The following DOCK5 variants were observed in gnomAD, a reference collection of about 807,000 sequenced individuals.
DOCK5 encodes dedicator of cytokinesis protein 5.
In DOCK5, 142 loss-of-function variants were observed where a neutral mutation model predicts 251.8. That is an observed-to-expected ratio of 0.56 (90% CI 0.49 to 0.65). DOCK5 has a LOEUF of 0.65. Among genes scored for constraint, DOCK5 ranks in the 30% least tolerant of loss-of-function variants. The pLI, the probability that DOCK5 is intolerant of heterozygous loss-of-function variation, is 0.00. For synonymous variants in DOCK5, 842 were observed against 835.5 expected (o/e 1.01, Z -0.13); for missense variants, 2,111 against 2,312.3 (o/e 0.91, Z 1.79).
chr8:25,283,899 G>T (rs1804268405), intron 5 of DOCK5, among the ~76,000 whole-genome samples: 1 of 152,132 alleles, frequency 6.6e-6, no homozygotes, highest in African/African-American at 2.4e-5. Context: ...ACTAGTCACT[G>T]GGTGTGTTTT....
chr8:25,262,706 C>T (rs1035774169), intron 2 of DOCK5, among the ~76,000 whole-genome samples: 1 of 152,076 alleles, frequency 6.6e-6, no homozygotes, highest in Admixed American at 6.6e-5. Flanking sequence ...TGCCATAAAT[C>T]TCTTCATTTC....
chr8:25,372,710 A>G lies in DOCK5; in HGVS notation c.3676A>G (p.Asn1226Asp). 1 of 1,610,406 alleles carries G rather than the reference A, an allele frequency of 6.2e-7. No individual in the cohort carries two copies. Among genetic ancestry groups the G allele is most frequent in the East Asian group, 2.2e-5 (1 of 44,642 alleles). ...GGAGAACCGTATGAGCTGCACTGTG[A>G]ACGTGCTGGTATGTGACATGCCTCC... ...SKENRMSCTVNVLNFYKEKKR... is the reference protein window; with the variant it reads ...SKENRMSCTVDVLNFYKEKKR... Residue 1226 changes from asparagine to aspartate, a missense_variant, in exon 35 of 52, where the codon AAC becomes GAC. Asn to Asp is a conservative substitution (Grantham distance 23, BLOSUM62 1). This residue lies in a region of DOCK5 where 1,717 missense variants were observed against 1,892.4 expected (regional missense o/e 0.91). Transcript: ENST00000276440.
Position 25,239,926 on chromosome 8 carries a change from A to G in DOCK5, c.44-3748A>G, listed in dbSNP as rs553216385. ...TATCAAGGAGAGGCCACTGGAAAAC[A>G]GGTGGCTGGACGTGTGCTCCTTCCT... On this transcript the variant is annotated intron_variant, in intron 1 of 51. Coordinates refer to ENST00000276440, the MANE Select transcript of DOCK5 (RefSeq NM_024940.8). Among the ~76,000 whole-genome samples, 38 of 152,242 alleles carry G rather than the reference A, an allele frequency of 2.5e-4. 1 individual carries two copies. The South Asian group carries it at 5.0e-3, about 20-fold the overall frequency.
chr8:25,318,816 T>C (rs987856199), intron 14 of DOCK5, among the ~76,000 whole-genome samples: 1 of 152,038 alleles, frequency 6.6e-6, no homozygotes, highest in African/African-American at 2.4e-5. Flanking sequence ...CTTGACTCAC[T>C]GAGTGTCCTG....
chr8:25,221,409 A>C (rs1416875070), intron 1 of DOCK5, among the ~76,000 whole-genome samples: 1 of 152,180 alleles, frequency 6.6e-6, no homozygotes, highest in Non-Finnish European at 1.5e-5. Context: ...CCTGGGTTCA[A>C]GCAATTCTCC....
intron 5 of DOCK5, among the ~76,000 whole-genome samples, chr8:25,279,737 C>T (rs1804139674): frequency 6.6e-6 from 1 of 152,134 alleles, no homozygotes; most frequent in South Asian, 2.1e-4. Flanking sequence ...GCCTCAGCCT[C>T]CCAAGTAGCT....
intron 14 of DOCK5, among the ~76,000 whole-genome samples, chr8:25,318,388 C>CTGCTT (rs1267951838): frequency 7.9e-5 from 12 of 152,244 alleles, no homozygotes; most frequent in Admixed American, 5.2e-4. Flanking sequence ...CATGTGCTGC[C>CTGCTT]TGCTTTGCTT....
intron 1 of DOCK5, among the ~76,000 whole-genome samples, chr8:25,193,373 C>T (rs2117444815): frequency 6.7e-6 from 1 of 149,070 alleles, no homozygotes; most frequent in South Asian, 2.1e-4. Flanking sequence ...TTTTAAGGCA[C>T]ATTACAGCTT....
intron 2 of DOCK5, among the ~76,000 whole-genome samples, chr8:25,245,173 C>T (rs1803066005): frequency 6.6e-6 from 1 of 152,160 alleles, no homozygotes; most frequent in Non-Finnish European, 1.5e-5. Flanking sequence ...TCTCCTGCCT[C>T]AGCCTCCCAA....
intron 22 of DOCK5, among the ~76,000 whole-genome samples, chr8:25,338,160 G>GC (rs1447569421): frequency 6.6e-6 from 1 of 151,702 alleles, no homozygotes; most frequent in East Asian, 1.9e-4. Context: ...TCCAACCTTA[G>GC]CCCCCCAAGT....
intron 8 of DOCK5, among the ~76,000 whole-genome samples, chr8:25,300,223 T>C (rs1171358321): frequency 6.6e-6 from 1 of 152,230 alleles, no homozygotes; most frequent in African/African-American, 2.4e-5. Flanking sequence ...AAATTATTAA[T>C]TTAGCAAAGC....
At chr8:25,255,425 A>G (rs940004269) in intron 2 of DOCK5, among the ~76,000 whole-genome samples, 2 of 152,250 alleles carry the variant, frequency 1.3e-5, no homozygotes, top group Non-Finnish European at 2.9e-5. Context: ...CATGTTACTA[A>G]GTAAAAAGAG....
chr8:25,327,183 TATA>T (rs1456378583), intron 18 of DOCK5, among the ~76,000 whole-genome samples: 7 of 152,232 alleles, frequency 4.6e-5, no homozygotes, highest in African/African-American at 1.7e-4. Context: ...TAGTGAACAC[TATA>T]ATGTCAGCTA....
intron 1 of DOCK5, among the ~76,000 whole-genome samples, chr8:25,207,973 G>A (rs1259463661): frequency 6.6e-6 from 1 of 152,178 alleles, no homozygotes; most frequent in Non-Finnish European, 1.5e-5. Context: ...TGTTTCATGG[G>A]AGGAGGTCAA....
chr8:25,375,094 A>G (rs1271251178), intron 37 of DOCK5: 1 of 748,586 alleles, frequency 1.3e-6, no homozygotes, highest in East Asian at 1.0e-4. Flanking sequence ...CCAAGTAATT[A>G]TTTCTAGCCC....
intron 1 of DOCK5, among the ~76,000 whole-genome samples, chr8:25,189,391 C>T (rs540093838): frequency 3.9e-5 from 6 of 151,928 alleles, no homozygotes; most frequent in East Asian, 3.9e-4. Flanking sequence ...GACAGGGTCT[C>T]GTTCTGTAAC....
In DOCK5 at chr8:25,213,131, A is replaced by ATG; in HGVS notation, c.43+28180_43+28181insTG. On this transcript the variant is annotated intron_variant, in intron 1 of 51. Transcript: ENST00000276440. The stretch of plus-strand genomic sequence containing the variant: ...GTTGGAATGGAAGATGGAAAGTTAA[A>ATG]CCTTGGGCTCAGTGGGCGTCTAATC... Among the ~76,000 whole-genome samples, 2 of 18,440 alleles carry ATG rather than the reference A, an allele frequency of 1.1e-4. 1 individual carries two copies. The highest frequency in any genetic ancestry group is 8.9e-4 in the Non-Finnish European group (2 of 2,238). 12.1% of individuals were successfully genotyped at this position (18,440 alleles called of 152,430 possible).
At chr8:25,407,923 T>C in intron 48 of DOCK5, 60 bp from the exon 49 acceptor site, 1 of 1,492,912 alleles carries the variant, frequency 6.7e-7, no homozygotes, top group East Asian at 2.3e-5. Flanking sequence ...ACTTTCATAG[T>C]GAATTTTGAT....
At chr8:25,237,766 G>A (rs1254071925) in intron 1 of DOCK5, among the ~76,000 whole-genome samples, 1 of 152,192 alleles carries the variant, frequency 6.6e-6, no homozygotes, top group Non-Finnish European at 1.5e-5. Context: ...TTGTGGTGGT[G>A]CCTGCCGGTT....
Sources: gnomAD v4.1 joint callset for allele counts (sites outside exome capture counted in the v4.1 genomes callset) on GRCh38, gnomAD v4.1.1 for gene constraint, gnomAD v4.1.1 regional missense constraint, MANE v1.5 for transcripts, NCBI Gene and HGNC (gene_info 2026-07-23, HGNC 2026-07-21) for gene names.